IFT57: variants seen among roughly 807,000 people sequenced by gnomAD.
IFT57 encodes intraflagellar transport protein 57 homolog.
A neutral mutation model predicts 56.8 loss-of-function variants in IFT57; 59 were observed. The ratio of observed to expected loss-of-function variants is 1.04; its 90% confidence interval spans 0.84 to 1.29. The LOEUF (loss-of-function observed/expected upper bound fraction) is 1.29, where lower values mean the gene tolerates loss of function less well. Ranked by LOEUF, IFT57 falls within the 50% of genes most tolerant of loss-of-function variation. The pLI, the probability that IFT57 is intolerant of heterozygous loss-of-function variation, is 0.00. For synonymous variants in IFT57, 209 were observed against 186.1 expected, an observed-to-expected ratio of 1.12 and a Z score of -1.00; for missense variants, 470 against 522.1, an observed-to-expected ratio of 0.90 and a Z score of 0.97.
intron 5 of IFT57, among the ~76,000 whole-genome samples, chr3:108,203,122 T>C (rs1195824999): frequency 6.6e-5 from 10 of 152,202 alleles, no homozygotes; most frequent in Admixed American, 6.5e-4. Context: ...CAGAGAGCCA[T>C]TTCACCTGGA....
At chr3:108,199,845 TAGA>T (rs377368867) in intron 5 of IFT57, among the ~76,000 whole-genome samples, 139 of 152,186 alleles carry the variant, frequency 9.1e-4, no homozygotes, top group African/African-American at 3.0e-3. Context: ...ACTTAGGAGA[TAGA>T]AGAGATAGAA....
intron 3 of IFT57, among the ~76,000 whole-genome samples, chr3:108,215,527 G>C (rs879567254): frequency 6.6e-6 from 1 of 152,136 alleles, no homozygotes; most frequent in Admixed American, 6.5e-5. Context: ...GACAGAGTGA[G>C]ACCCTGTCTT....
intron 2 of IFT57, 71 bp from the exon 3 acceptor site, chr3:108,218,724 G>A (rs1289759): frequency 0.81 from 549,155 of 674,604 alleles, 228,858 homozygotes; most frequent in Non-Finnish European, 0.87. Flanking sequence ...TTTAAGCAAA[G>A]AACTGCTGAA....
In IFT57 at chr3:108,195,123, G is replaced by GA. The variant is rs538967676; in HGVS notation, c.655-3481dup. Among the ~76,000 whole-genome samples the GA allele has an allele frequency of 4.6e-3, 703 of 151,770 alleles. 3 individuals are homozygous for GA. The highest frequency in any genetic ancestry group is 0.016 in the African/African-American group (665 of 41,404). The stretch of plus-strand genomic sequence containing the variant: ...ATAAGAAGTTCAAACAACTCAGTAG[G>GA]AAAAAAACCCAAATGATCTAATTAA... On this transcript the variant is annotated intron_variant, in intron 5 of 10. Transcript: ENST00000264538.
At chr3:108,205,938 ATAT>A in intron 5 of IFT57, among the ~76,000 whole-genome samples, 1 of 107,604 alleles carries the variant, frequency 9.3e-6, no homozygotes, top group Non-Finnish European at 1.8e-5. Context: ...ATATATAAAT[ATAT>A]TAGTTTATAA....
intron 5 of IFT57, among the ~76,000 whole-genome samples, chr3:108,200,794 C>T (rs1026623908): frequency 3.9e-5 from 6 of 152,124 alleles, no homozygotes; most frequent in African/African-American, 9.7e-5. Context: ...TCCCAATTTA[C>T]ATAGAAATGC....
intron 7 of IFT57, chr3:108,167,270 A>T (rs1417485348): frequency 3.6e-6 from 1 of 280,982 alleles, no homozygotes; most frequent in Non-Finnish European, 6.7e-6. Context: ...TATAACATTC[A>T]CAATCAAAGT....
chr3:108,163,702 G>A lies in IFT57; in HGVS notation c.1072C>T (p.Gln358Ter). Residue 358 changes from glutamine to a stop codon, truncating the protein, a stop_gained, in exon 10 of 11, where the codon CAA becomes TAA. Coordinates refer to ENST00000264538, the MANE Select transcript of IFT57 (RefSeq NM_018010.4). LOFTEE classifies it high-confidence loss of function. Reference sequence around the variant, plus strand: ...CTGCTGCCCTTTTCTTCCATTTCTTGTTTTACCTTTTCTAATTCTTCCATA... The same window carrying A: ...CTGCTGCCCTTTTCTTCCATTTCTTATTTTACCTTTTCTAATTCTTCCATA... ...EVMEELEKVK[Q>*]EMEEKGSSMT... The A allele has an allele frequency of 6.2e-7, 1 of 1,610,258 alleles. No individual in the cohort carries two copies. The highest frequency in any genetic ancestry group is 2.2e-5 in the East Asian group (1 of 44,706).
chr3:108,163,646 A>T lies in IFT57; in HGVS notation c.1111+17T>A, dbSNP rs762497746. 11 of 1,587,484 alleles carry T rather than the reference A, an allele frequency of 6.9e-6. No individual in the cohort carries two copies. The South Asian group carries it at 1.2e-4, about 18-fold the overall frequency. On this transcript the variant is annotated intron_variant, in intron 10 of 10. Coordinates refer to ENST00000264538, the MANE Select transcript of IFT57 (RefSeq NM_018010.4). ...TTCTCTTGCTCAGTTTTTCCCCTAA[A>T]ATGAGCATGTACTTACCACCATCAG...
intron 6 of IFT57, among the ~76,000 whole-genome samples, chr3:108,185,007 T>C (rs898941543): frequency 6.6e-6 from 1 of 152,110 alleles, no homozygotes; most frequent in Non-Finnish European, 1.5e-5. Flanking sequence ...GTACTGTAGA[T>C]TGAGGTCTGC....
At chr3:108,165,664 A>T (rs1003971508) in intron 8 of IFT57, among the ~76,000 whole-genome samples, 171 bp from the exon 9 acceptor site, 2 of 152,072 alleles carry the variant, frequency 1.3e-5, no homozygotes, top group African/African-American at 2.4e-5. Context: ...TATGTCCCTA[A>T]TAGGCAGCAT....
intron 1 of IFT57, 55 bp downstream of exon 1, chr3:108,222,056 G>T (rs1465724412): frequency 1.3e-6 from 2 of 1,551,836 alleles, no homozygotes; most frequent in Admixed American, 3.9e-5. Context: ...GACCAAGGAG[G>T]GCATCTCCCT....
At chr3:108,210,849 G>A (rs1437055424) in intron 4 of IFT57, among the ~76,000 whole-genome samples, 1 of 152,130 alleles carries the variant, frequency 6.6e-6, no homozygotes, top group Admixed American at 6.5e-5. Flanking sequence ...CCCCTTTGAG[G>A]AAGGCCTTCA....
At chr3:108,167,079 A>C in intron 7 of IFT57, 94 bp from the exon 8 acceptor site, 5 of 1,082,872 alleles carry the variant, frequency 4.6e-6, no homozygotes, top group Non-Finnish European at 6.6e-6. Flanking sequence ...CATTCTACAA[A>C]TAATCAACTA....
intron 6 of IFT57, among the ~76,000 whole-genome samples, chr3:108,186,628 G>T (rs1266050105): frequency 6.6e-6 from 1 of 152,034 alleles, no homozygotes; most frequent in Non-Finnish European, 1.5e-5. Context: ...ATACAGAAAC[G>T]TTTTTAAAGA....
chr3:108,183,654 C>T (rs770600021), intron 6 of IFT57, among the ~76,000 whole-genome samples: 2 of 152,132 alleles, frequency 1.3e-5, no homozygotes, highest in Non-Finnish European at 1.5e-5. Context: ...ACACACATGA[C>T]GGTGGCTGAC....
intron 6 of IFT57, among the ~76,000 whole-genome samples, chr3:108,184,179 G>A (rs2080166467): frequency 6.6e-6 from 1 of 152,062 alleles, no homozygotes; most frequent in Non-Finnish European, 1.5e-5. Context: ...GCTAGGATTT[G>A]GCTGATTTTT....
chr3:108,196,942 T>C (rs146278023), intron 5 of IFT57, among the ~76,000 whole-genome samples: 16 of 152,334 alleles, frequency 1.1e-4, no homozygotes, highest in Non-Finnish European at 2.2e-4. Context: ...TGTGCCTTGG[T>C]TATAATACTT....
intron 6 of IFT57, among the ~76,000 whole-genome samples, chr3:108,190,056 C>T (rs962750091): frequency 8.6e-5 from 13 of 152,010 alleles, no homozygotes; most frequent in East Asian, 5.8e-4. Flanking sequence ...TGGAAGAGGA[C>T]GCAGAACAGC....
Sources: allele counts gnomAD v4.1 joint callset (sites outside exome capture counted in the v4.1 genomes callset), GRCh38; gene constraint gnomAD v4.1.1; transcripts MANE v1.5; gene names NCBI Gene and HGNC (gene_info 2026-07-23, HGNC 2026-07-21).